HEATR5B: variants seen among roughly 807,000 people sequenced by gnomAD.
HEATR5B encodes the protein HEAT repeat-containing protein 5B.
A neutral mutation model predicts 224.1 loss-of-function variants in HEATR5B; 156 were observed. The ratio of observed to expected loss-of-function variants is 0.70; its 90% CI spans 0.61 to 0.80. The LOEUF (loss-of-function observed/expected upper bound fraction) is 0.80. Ranked by LOEUF, HEATR5B falls within the 30% of genes least tolerant of loss-of-function variation. HEATR5B has a pLI of 0.00. For missense variants in HEATR5B, 2,323 were observed against 2,535.5 expected (o/e 0.92, Z 1.80); for synonymous variants, 1,027 against 893.0 (o/e 1.15, Z -2.68).
At chr2:36,984,092 C>A (rs1030549502) in intron 35 of HEATR5B, among the ~76,000 whole-genome samples, 1 of 148,066 alleles carries the variant, frequency 6.8e-6, no homozygotes, top group Non-Finnish European at 1.5e-5. Context: ...CCCAGCTACT[C>A]CTGAGGCTGA....
intron 26 of HEATR5B, among the ~76,000 whole-genome samples, chr2:37,017,197 C>A (rs976239528): frequency 6.6e-6 from 1 of 152,146 alleles, no homozygotes; most frequent in Non-Finnish European, 1.5e-5. Context: ...CCATCTTGGC[C>A]AACACGGTGA....
chr2:36,982,863 T>TACATACACACAC (rs1665674130), intron 35 of HEATR5B, among the ~76,000 whole-genome samples: 1 of 126,002 alleles, frequency 7.9e-6, no homozygotes, highest in African/African-American at 2.9e-5. Flanking sequence ...CAGACACAGA[T>TACATACACACAC]ACACACACAC....
chr2:37,040,789 T>G (rs899294167), intron 19 of HEATR5B, among the ~76,000 whole-genome samples: 1 of 151,322 alleles, frequency 6.6e-6, no homozygotes, highest in East Asian at 1.9e-4. Flanking sequence ...AGGACCTACG[T>G]TGGGGTATCA....
rs778722074 is a variant in HEATR5B, at chr2:37,003,632, G to A, written c.4960C>T (p.Pro1654Ser). The stretch of plus-strand genomic sequence containing the variant: ...GTAACCAACAGCTGGACAGATGATG[G>A]ATTCCAGGTCAATAGAAGGCGGTGC... ...VLHRLLLTWN[P>S]SSVQLLVTGV... is the part of the protein sequence containing the mutation. The change falls in exon 31 of 36, where the codon CCA (proline) becomes TCA (serine). Residue 1654 changes from proline to serine, a missense_variant. Physicochemically the swap from Pro to Ser is moderately conservative, Grantham distance 74. Coordinates refer to ENST00000233099, the MANE Select transcript of HEATR5B (RefSeq NM_019024.3). The A allele has an allele frequency of 6.2e-7, 1 of 1,612,568 alleles. No individual in the cohort carries two copies. Among genetic ancestry groups the A allele is most frequent in the South Asian group, 1.1e-5 (1 of 90,972 alleles).
At chr2:37,029,383 G>A (rs1488028729) in intron 22 of HEATR5B, among the ~76,000 whole-genome samples, 2 of 152,328 alleles carry the variant, frequency 1.3e-5, no homozygotes, top group East Asian at 1.9e-4. Context: ...AAAATCCAAG[G>A]CTGGGCGCAG....
intron 6 of HEATR5B, 149 bp downstream of exon 6, chr2:37,071,960 AG>A (rs1360010397): frequency 7.3e-6 from 4 of 551,536 alleles, no homozygotes; most frequent in Non-Finnish European, 1.2e-5. Context: ...CTGGGATTAC[AG>A]GCATGAGTCA....
chr2:37,051,026 CAG>C (rs1256147107), intron 17 of HEATR5B, among the ~76,000 whole-genome samples: 2 of 151,920 alleles, frequency 1.3e-5, no homozygotes. Context: ...AGCCTGGCGA[CAG>C]AGTGAGACTC....
rs1665595341 is a variant in HEATR5B at position 36,981,740 on chromosome 2, T to C, written c.5966A>G (p.Glu1989Gly). The C allele has an allele frequency of 6.2e-7, 1 of 1,613,922 alleles. No individual in the cohort carries two copies. Among genetic ancestry groups the C allele is most frequent in the Non-Finnish European group, 8.5e-7 (1 of 1,179,998 alleles). Residue 1989 changes from glutamate (E) to glycine (G), a missense_variant, in exon 36 of 36, where the codon GAA (glutamate) becomes GGA (glycine). Physicochemically the swap from Glu to Gly is moderately conservative, Grantham distance 98 (BLOSUM62 -2). Transcript: ENST00000233099. ...TGAACTTGCTGAGGCAAAAGAATTT[T>C]CATCCAGCAGGTAAGATATCAAAGT... is the stretch of plus-strand genomic sequence containing the variant. ...VPTLISYLLD[E>G]NSFASASSAS... is the part of the protein sequence containing the mutation.
At chr2:37,024,067 A>G (rs910233119) in intron 24 of HEATR5B, among the ~76,000 whole-genome samples, 1 of 152,250 alleles carries the variant, frequency 6.6e-6, no homozygotes, top group African/African-American at 2.4e-5. Context: ...AACACTATTC[A>G]GCCATAGAAA....
intron 10 of HEATR5B, among the ~76,000 whole-genome samples, chr2:37,062,958 T>A (rs906608554): frequency 5.3e-5 from 8 of 152,206 alleles, no homozygotes; most frequent in African/African-American, 1.7e-4. Context: ...TGGAAAATTT[T>A]AAAAATTTCA....
chr2:37,006,380 C>T (rs1478600731), intron 29 of HEATR5B, among the ~76,000 whole-genome samples: 1 of 152,212 alleles, frequency 6.6e-6, no homozygotes. Context: ...GGTGCAGTGG[C>T]TCATACCTGT....
At chr2:37,068,610 A>T in intron 8 of HEATR5B, 71 bp downstream of exon 8, 1 of 1,464,990 alleles carries the variant, frequency 6.8e-7, no homozygotes, top group Non-Finnish European at 9.4e-7. Context: ...TCTTATGGAT[A>T]TTTATTAAGA....
rs1666123549 is a variant in HEATR5B, at chr2:36,988,809, A to G, written c.5748T>C (p.Asn1916=). The G allele has an allele frequency of 6.2e-7, 1 of 1,614,150 alleles. No individual in the cohort carries two copies. Among genetic ancestry groups the G allele is most frequent in the Non-Finnish European group, 8.5e-7 (1 of 1,180,004 alleles). Residue 1916 remains asparagine, a synonymous_variant, in exon 35 of 36, where the codon AAT becomes AAC. Transcript: ENST00000233099. ...GAATATAAGGAGTTGAAAGGGCACG[A>G]TTGGAATGCTGGAAGACTGAGAGGA... ...QLLLSVFQHS[N]RALSTPYIHS... is the part of the protein sequence containing the mutation.
intron 6 of HEATR5B, among the ~76,000 whole-genome samples, chr2:37,071,172 A>G (rs532705721): frequency 1.3e-5 from 2 of 152,326 alleles, no homozygotes; most frequent in African/African-American, 4.8e-5. Context: ...ATCTACTGAA[A>G]TAATTATCAT....
At chr2:37,017,750 T>G (rs952813655) in intron 26 of HEATR5B, among the ~76,000 whole-genome samples, 1 of 151,784 alleles carries the variant, frequency 6.6e-6, no homozygotes. Flanking sequence ...ATTATGGATT[T>G]TGTTTATGAA....
chr2:37,069,061 T>C, intron 7 of HEATR5B, 131 bp from the exon 8 acceptor site: 1 of 982,922 alleles, frequency 1.0e-6, no homozygotes, highest in South Asian at 1.9e-5. Flanking sequence ...ACAGAGAAAA[T>C]TTAAACTTGA....
rs550921814 is a variant in HEATR5B at position 37,026,899 on chromosome 2, A to T, written c.3853+1024T>A. ...CTGCTACCTCCGCCTCCCAGGTTCA[A>T]GCGATTCTCCTGACTCAGCCTCCTG... On this transcript the variant is annotated intron_variant, in intron 24 of 35. Coordinates refer to ENST00000233099, the MANE Select transcript of HEATR5B (RefSeq NM_019024.3). Among the ~76,000 whole-genome samples, 15 of 152,254 alleles carry T rather than the reference A, an allele frequency of 9.9e-5. No homozygotes were observed. In the East Asian group the frequency reaches 2.9e-3, roughly 29 times the overall value.
chr2:37,056,197 A>G (rs1159310243), intron 16 of HEATR5B, among the ~76,000 whole-genome samples: 1 of 152,198 alleles, frequency 6.6e-6, no homozygotes, highest in Non-Finnish European at 1.5e-5. Context: ...ACAGTCCACA[A>G]TACAACAGAT....
intron 35 of HEATR5B, among the ~76,000 whole-genome samples, chr2:36,984,200 C>CAAAAAAA (rs1208435239): frequency 7.2e-4 from 21 of 29,010 alleles, no homozygotes; most frequent in African/African-American, 2.9e-3. Flanking sequence ...AACTCTGTCT[C>CAAAAAAA]AAAAAAAAAA....
Sources: allele counts gnomAD v4.1 joint callset (sites outside exome capture counted in the v4.1 genomes callset), GRCh38; gene constraint gnomAD v4.1.1; transcripts MANE v1.5; gene names NCBI Gene and HGNC (gene_info 2026-07-23, HGNC 2026-07-21).